ERCC5: variants seen among roughly 807,000 people sequenced by gnomAD.
The protein encoded by ERCC5 is DNA excision repair protein ERCC-5.
A neutral mutation model predicts 105.6 loss-of-function variants in ERCC5; 68 were observed. The observed-to-expected ratio is 0.64, with a 90% confidence interval of 0.53 to 0.79. The LOEUF is 0.79. Among genes scored for constraint, ERCC5 ranks in the 30% least tolerant of loss-of-function variants. The pLI is 0.00. For synonymous variants in ERCC5, 546 were observed against 526.2 expected (o/e 1.04, Z -0.51); for missense variants, 1,373 against 1,426.7 (o/e 0.96, Z 0.61).
chr13:102,850,560 A>G (rs1240464227), intron 1 of ERCC5, among the ~76,000 whole-genome samples: 1 of 152,186 alleles, frequency 6.6e-6, no homozygotes, highest in Non-Finnish European at 1.5e-5. Flanking sequence ...AATCTAGTAT[A>G]TACCTTCAAG....
At chr13:102,870,803 A>C (rs1438842043) in intron 12 of ERCC5, among the ~76,000 whole-genome samples, 3 of 152,178 alleles carry the variant, frequency 2.0e-5, no homozygotes, top group Non-Finnish European at 4.4e-5. Context: ...AGCCGGTCTG[A>C]GTGGGTTCCT....
intron 2 of ERCC5, 132 bp from the exon 3 acceptor site, chr13:102,853,625 A>G (rs1461356430): frequency 1.2e-6 from 1 of 864,380 alleles, no homozygotes; most frequent in Non-Finnish European, 1.9e-6. Flanking sequence ...TGATATGGCA[A>G]TTAGGAGGAA....
chr13:102,859,214 C>A (rs1423740452), intron 6 of ERCC5, among the ~76,000 whole-genome samples: 1 of 152,244 alleles, frequency 6.6e-6, no homozygotes, highest in Non-Finnish European at 1.5e-5. Flanking sequence ...TCTCCATTCA[C>A]CCACTATAGG....
chr13:102,867,003 G>C (rs913678898), intron 11 of ERCC5, among the ~76,000 whole-genome samples, 158 bp downstream of exon 11: 1 of 152,078 alleles, frequency 6.6e-6, no homozygotes, highest in African/African-American at 2.4e-5. Flanking sequence ...TAGAGGAATA[G>C]GATTTTAAAC....
At chr13:102,867,543 G>A (rs1432404363) in intron 11 of ERCC5, among the ~76,000 whole-genome samples, 1 of 152,156 alleles carries the variant, frequency 6.6e-6, no homozygotes, top group Non-Finnish European at 1.5e-5. Context: ...GGGAAGCAAG[G>A]AGGCCAGTGT....
intron 12 of ERCC5, 83 bp from the exon 13 acceptor site, chr13:102,872,115 G>A (rs990211717): frequency 2.0e-6 from 3 of 1,507,584 alleles, no homozygotes; most frequent in African/African-American, 2.8e-5. Flanking sequence ...GAGTTTACAT[G>A]TTCTAAGTTT....
At chr13:102,858,947 T>G in intron 6 of ERCC5, 1 of 456,080 alleles carries the variant, frequency 2.2e-6, no homozygotes, top group Non-Finnish European at 4.4e-6. Context: ...GAGATGCCAT[T>G]GGCTCTCCAC....
At chr13:102,854,925 G>A (rs1320617995) in intron 4 of ERCC5, among the ~76,000 whole-genome samples, 1 of 152,200 alleles carries the variant, frequency 6.6e-6, no homozygotes, top group Non-Finnish European at 1.5e-5. Flanking sequence ...TGTGTTTGAA[G>A]TGAAGGTGGA....
chr13:102,846,938 G>A (rs1367429815), intron 1 of ERCC5, among the ~76,000 whole-genome samples: 1 of 152,136 alleles, frequency 6.6e-6, no homozygotes, highest in African/African-American at 2.4e-5. Flanking sequence ...GCAAAGTAGA[G>A]GTGGTGATAG....
At chr13:102,868,081 G>A (rs1385389904) in intron 11 of ERCC5, 32 bp from the exon 12 acceptor site, 1 of 1,598,108 alleles carries the variant, frequency 6.3e-7, no homozygotes, top group Admixed American at 1.7e-5. Context: ...AAGAAATCTT[G>A]ATAAAAATTA....
At position 102,861,616 on chromosome 13, in the gene ERCC5, A is replaced by G; in HGVS notation, c.782A>G (p.His261Arg). ...GAAATGAATCAGCAACATTCAGGACACATCCGAAGGCAGTATGAAGATGAA... is the reference window on the plus strand; with the variant it reads ...GAAATGAATCAGCAACATTCAGGACGCATCCGAAGGCAGTATGAAGATGAA... The part of the protein sequence containing the change: ...QKEMNQQHSG[H>R]IRRQYEDEGG... The change falls in exon 7 of 15, where the codon CAC becomes CGC. Residue 261 changes from histidine to arginine, a missense_variant. His to Arg is a conservative substitution (Grantham distance 29, BLOSUM62 0). Transcript: ENST00000652225. 1 of 1,614,200 alleles carries G rather than the reference A, an allele frequency of 6.2e-7. No individual in the cohort carries two copies.
At chr13:102,869,814 A>G (rs908674804) in intron 12 of ERCC5, among the ~76,000 whole-genome samples, 64 of 152,234 alleles carry the variant, frequency 4.2e-4, no homozygotes, top group African/African-American at 1.5e-3. Flanking sequence ...CTTGATAACT[A>G]TTGAGAGTGA....
intron 1 of ERCC5, among the ~76,000 whole-genome samples, 200 bp downstream of exon 1, chr13:102,846,554 C>A (rs1174020306): frequency 6.6e-6 from 1 of 152,146 alleles, no homozygotes; most frequent in Non-Finnish European, 1.5e-5. Flanking sequence ...AGCCCCTCCT[C>A]CGTATACCAC....
chr13:102,867,336 T>C (rs1370243114), intron 11 of ERCC5, among the ~76,000 whole-genome samples: 1 of 152,168 alleles, frequency 6.6e-6, no homozygotes, highest in Non-Finnish European at 1.5e-5. Flanking sequence ...TAGAAAAATA[T>C]AACAGTAAAG....
At chr13:102,870,343 C>A (rs934530051) in intron 12 of ERCC5, among the ~76,000 whole-genome samples, 5 of 152,140 alleles carry the variant, frequency 3.3e-5, no homozygotes, top group Non-Finnish European at 7.4e-5. Flanking sequence ...TTCTGGATAG[C>A]CCCAAAATAG....
chr13:102,874,626 A>C (rs566694640), intron 14 of ERCC5: 3 of 152,344 alleles, frequency 2.0e-5, no homozygotes, highest in East Asian at 1.9e-4. Flanking sequence ...GGTTCACGCC[A>C]TTCTCCTGCC....
chr13:102,851,584 C>T (rs939452689), intron 1 of ERCC5, among the ~76,000 whole-genome samples: 8 of 152,130 alleles, frequency 5.3e-5, no homozygotes, highest in Admixed American at 1.3e-4. Context: ...TGAGCCACCG[C>T]GCCCGGCCTA....
Position 102,861,704 on chromosome 13 carries a change from C to G in ERCC5, c.870C>G (p.Ile290Met), listed in dbSNP as rs944871280. The G allele has an allele frequency of 6.2e-7, 1 of 1,614,104 alleles. No individual in the cohort carries two copies. The highest frequency in any genetic ancestry group is 8.5e-7 in the Non-Finnish European group (1 of 1,180,002). Residue 290 changes from isoleucine (I) to methionine (M), a missense_variant, in exon 7 of 15, where the codon ATC (isoleucine) becomes ATG (methionine). Ile to Met is a conservative substitution (Grantham distance 10). This residue lies in a region of ERCC5 where 1,004 missense variants were observed against 1,059.7 expected (regional missense o/e 0.95). Transcript: ENST00000652225. ...RVVSEDTSHY[I>M]LIKGIQAKTV... ...TCTCTGAAGACACTTCACATTACAT[C>G]TTGATAAAAGGTATCAGGCACCATC... is the stretch of plus-strand genomic sequence containing the variant.
At position 102,875,804 on chromosome 13, in the gene ERCC5, T is replaced by C. The variant is rs763807632; in HGVS notation, c.3462T>C (p.Asp1154=). ...TTSSSSDSDD[D]GGKEKMVLVT... Reference sequence around the variant, plus strand: ...GCAGCTCTAGTGATAGTGATGACGATGGAGGGAAAGAGAAGATGGTCCTCG... The same window carrying C: ...GCAGCTCTAGTGATAGTGATGACGACGGAGGGAAAGAGAAGATGGTCCTCG... Residue 1154 remains aspartate (D), a synonymous_variant, in exon 15 of 15, where the codon GAT becomes GAC. Transcript: ENST00000652225. The C allele has an allele frequency of 6.2e-7, 1 of 1,613,890 alleles. No homozygotes were observed. The highest frequency in any genetic ancestry group is 1.1e-5 in the South Asian group (1 of 91,062).
Sources: allele counts gnomAD v4.1 joint callset (sites outside exome capture counted in the v4.1 genomes callset), GRCh38; gene constraint gnomAD v4.1.1; regional missense constraint gnomAD v4.1.1; transcripts MANE v1.5; gene names NCBI Gene and HGNC (gene_info 2026-07-23, HGNC 2026-07-21).